TIAM1: variants seen among roughly 807,000 people sequenced by gnomAD.
TIAM1 encodes the protein TIAM Rac1 associated GEF 1, also known as rho guanine nucleotide exchange factor TIAM1.
TIAM1 carries 65 observed loss-of-function variants against 163.5 expected under a neutral mutation model. That is an observed-to-expected ratio of 0.40 (90% CI 0.33 to 0.49). TIAM1 has a LOEUF of 0.49. TIAM1 is among the 20% of genes least tolerant of loss of function. The pLI is 0.77. For synonymous variants in TIAM1, 833 were observed against 810.1 expected (o/e 1.03, Z -0.48); for missense variants, 1,789 against 2,044.7 (o/e 0.87, Z 2.41).
intron 13 of TIAM1, among the ~76,000 whole-genome samples, chr21:31,188,471 A>G (rs1214451984): frequency 2.0e-5 from 3 of 152,236 alleles, no homozygotes; most frequent in African/African-American, 7.2e-5. Flanking sequence ...GGCGAGATAG[A>G]ATCAAGGGCT....
chr21:31,384,131 A>G (rs753793723), intron 2 of TIAM1, among the ~76,000 whole-genome samples: 16 of 152,238 alleles, frequency 1.1e-4, no homozygotes, highest in Admixed American at 4.6e-4. Flanking sequence ...TCATAGATGC[A>G]CTTCCAGTCT....
At chr21:31,263,808 C>A (rs1332031324) in intron 4 of TIAM1, among the ~76,000 whole-genome samples, 3 of 152,154 alleles carry the variant, frequency 2.0e-5, no homozygotes, top group African/African-American at 7.2e-5. Flanking sequence ...CTCCGAAGGC[C>A]CCATAGATCA....
At chr21:31,340,880 A>C (rs1204649128) in intron 1 of TIAM1, among the ~76,000 whole-genome samples, 1 of 151,886 alleles carries the variant, frequency 6.6e-6, no homozygotes, top group Non-Finnish European at 1.5e-5. Context: ...AAAAAAAAAA[A>C]CCAACACTGG....
Position 31,359,805 on chromosome 21 carries a change from AAAGGAAGGAAGGAAGGAAGGAAGG to A in TIAM1, c.-368-20407_-368-20384del, listed in dbSNP as rs767750965. ...TCTGTCAAAAGAGAAAAAGAAAGAA[AAAGGAAGGAAGGAAGGAAGGAAGG>A]AAGGAAGGAAGGAAGGAAGGAAGGA... On this transcript the variant is annotated intron_variant, in intron 2 of 28. Coordinates refer to the TIAM1 transcript ENST00000286827. Among the ~76,000 whole-genome samples, 100 of 90,734 alleles carry A rather than the reference AAAGGAAGGAAGGAAGGAAGGAAGG, an allele frequency of 1.1e-3. 2 individuals are homozygous for A. Among genetic ancestry groups the A allele is most frequent in the African/African-American group, 3.1e-3 (68 of 22,218 alleles). 59.5% of individuals were successfully genotyped at this position (90,734 alleles called of 152,430 possible). A position where few individuals can be genotyped will look rare whatever the true frequency, so the allele number is the denominator to read the frequency against.
intron 1 of TIAM1, among the ~76,000 whole-genome samples, chr21:31,556,049 T>C (rs2048866988): frequency 6.6e-6 from 1 of 151,858 alleles, no homozygotes; most frequent in Admixed American, 6.6e-5. Context: ...TAGAGTGGAG[T>C]TAAATTGTCA....
chr21:31,420,850 G>A (rs1156960812), intron 2 of TIAM1, among the ~76,000 whole-genome samples: 3 of 152,236 alleles, frequency 2.0e-5, no homozygotes, highest in South Asian at 2.1e-4. Flanking sequence ...GGCCAGGTGC[G>A]GTGACTCACG....
chr21:31,543,368 G>A (rs1457812148), intron 1 of TIAM1, among the ~76,000 whole-genome samples: 1 of 152,160 alleles, frequency 6.6e-6, no homozygotes, highest in Non-Finnish European at 1.5e-5. Context: ...TTACAAATCG[G>A]GGCAAGTTTA....
At chr21:31,203,101 A>G in intron 11 of TIAM1, 89 bp from the exon 12 acceptor site, 2 of 1,063,234 alleles carry the variant, frequency 1.9e-6, no homozygotes, top group Non-Finnish European at 2.8e-6. Flanking sequence ...ATGTATTCCT[A>G]TGACCAATAG....
rs768590509 is a variant in TIAM1 at position 31,266,540 on chromosome 21, C to T, written c.433G>A (p.Gly145Arg). 1 of 1,614,206 alleles carries T rather than the reference C, an allele frequency of 6.2e-7. No individual in the cohort carries two copies. The highest frequency in any genetic ancestry group is 1.1e-5 in the South Asian group (1 of 91,084). The change falls in exon 4 of 28, where the codon GGA becomes AGA. Residue 145 changes from glycine (G) to arginine (R), a missense_variant. Around this residue, in one of 5 missense-constraint regions of TIAM1, gnomAD observed 555 missense variants for 564.9 expected, o/e 0.98. Transcript: ENST00000541036. The part of the protein sequence containing the change: ...YGDDATYLAE[G>R]GRRQHSYTSN... ...GTATAGGAATGCTGCCTCCTGCCTC[C>T]CTCAGCCAAATATGTAGCGTCATCC...
chr21:31,236,583 G>A (rs944515733), intron 6 of TIAM1, among the ~76,000 whole-genome samples: 1 of 152,020 alleles, frequency 6.6e-6, no homozygotes, highest in East Asian at 1.9e-4. Context: ...AAAGCCACAA[G>A]GATAACATAT....
Position 31,141,086 on chromosome 21 carries a change from G to T in TIAM1, c.3774+32C>A. The T allele has an allele frequency of 6.6e-7, 1 of 1,521,620 alleles. No individual in the cohort carries two copies. Among genetic ancestry groups the T allele is most frequent in the Non-Finnish European group, 8.9e-7 (1 of 1,121,372 alleles). The allele number at this position is 1,521,620 out of a possible 1,614,324, so 94.3% of individuals were successfully genotyped here. On this transcript the variant is annotated intron_variant, in intron 22 of 27. Transcript: ENST00000541036. This position sits in a 1 kb window ranked among gnomAD's most constrained non-coding sequence, Gnocchi z 4.7. ...AAGCAAACTCAAACTCGGCTTTCCT[G>T]ACAGATGTCCTGAGAAGATGGGGAC...
chr21:31,467,947 G>A (rs146217939), intron 1 of TIAM1, among the ~76,000 whole-genome samples: 247 of 151,974 alleles, frequency 1.6e-3, no homozygotes, highest in African/African-American at 5.7e-3. Context: ...TTAGCTGGAC[G>A]TGGTGGTGGG....
intron 2 of TIAM1, among the ~76,000 whole-genome samples, chr21:31,333,567 A>C (rs1449037624): frequency 6.6e-6 from 1 of 152,106 alleles, no homozygotes; most frequent in East Asian, 1.9e-4. Context: ...CTTCCTGCGT[A>C]GCTGGGACCA....
At chr21:31,279,870 T>C (rs534858373) in intron 2 of TIAM1, among the ~76,000 whole-genome samples, 15 of 152,314 alleles carry the variant, frequency 9.8e-5, no homozygotes, top group South Asian at 2.1e-4. Context: ...ACCTAATTCA[T>C]TGAAACTGAA....
chr21:31,484,292 C>T (rs2046204291), intron 1 of TIAM1, among the ~76,000 whole-genome samples: 1 of 152,204 alleles, frequency 6.6e-6, no homozygotes, highest in East Asian at 1.9e-4. Context: ...TTTGCGTGTC[C>T]CCCACAGGAC....
intron 1 of TIAM1, among the ~76,000 whole-genome samples, chr21:31,489,514 G>A (rs1445841524): frequency 4.4e-5 from 5 of 112,652 alleles, no homozygotes; most frequent in Non-Finnish European, 7.3e-5. Flanking sequence ...AGACAGGGAG[G>A]GAAGGAAGGG....
chr21:31,430,941 A>G (rs1462221950), intron 2 of TIAM1, among the ~76,000 whole-genome samples: 1 of 152,198 alleles, frequency 6.6e-6, no homozygotes, highest in African/African-American at 2.4e-5. Flanking sequence ...ACTTCTTGGC[A>G]TGATCTGGCC....
chr21:31,556,845 C>T (rs767177725), intron 1 of TIAM1, among the ~76,000 whole-genome samples: 34 of 152,188 alleles, frequency 2.2e-4, no homozygotes, highest in Admixed American at 1.2e-3. Context: ...CAAAGGCATC[C>T]ACCCTCCCTA....
intron 1 of TIAM1, among the ~76,000 whole-genome samples, chr21:31,469,024 C>T (rs1396718726): frequency 6.6e-6 from 1 of 151,094 alleles, no homozygotes; most frequent in Non-Finnish European, 1.5e-5. Context: ...TTCTCTCAGG[C>T]TTCAGTTCTA....
Sources: gnomAD v4.1 joint callset for allele counts (sites outside exome capture counted in the v4.1 genomes callset) on GRCh38, gnomAD v4.1.1 for gene constraint, gnomAD v4.1.1 regional missense constraint, Gnocchi (gnomAD v3.1) non-coding constraint, MANE v1.5 for transcripts, NCBI Gene and HGNC (gene_info 2026-07-23, HGNC 2026-07-21) for gene names.